The following DAB1 variants were observed in gnomAD, a reference collection of about 807,000 sequenced individuals.
DAB1 encodes the protein DAB adaptor protein 1.
A neutral mutation model predicts 64.6 loss-of-function variants in DAB1; 15 were observed. The observed-to-expected ratio is 0.23, with a 90% CI of 0.16 to 0.36. DAB1 has a LOEUF of 0.36. Ranked by LOEUF, DAB1 falls within the 10% of genes least tolerant of loss-of-function variation. DAB1 has a pLI of 1.00. For missense variants in DAB1, 596 were observed against 706.7 expected, an observed-to-expected ratio of 0.84 and a Z score of 1.78; for synonymous variants, 235 against 251.9, an observed-to-expected ratio of 0.93 and a Z score of 0.64.
At chr1:57,479,606 T>G (rs1643985632) in intron 7 of DAB1, among the ~76,000 whole-genome samples, 1 of 152,142 alleles carries the variant, frequency 6.6e-6, no homozygotes, top group African/African-American at 2.4e-5. Context: ...AGCTTGTCTC[T>G]CTATACTCCA....
chr1:57,240,767 A>G (rs1010632352), intron 2 of DAB1, among the ~76,000 whole-genome samples: 3 of 152,200 alleles, frequency 2.0e-5, no homozygotes, highest in Admixed American at 2.0e-4. Context: ...GGAAATTAAA[A>G]TTTTAGTCAT....
At chr1:57,348,037 C>T (rs960701318) in intron 1 of DAB1, among the ~76,000 whole-genome samples, 1 of 152,156 alleles carries the variant, frequency 6.6e-6, no homozygotes, top group African/African-American at 2.4e-5. Flanking sequence ...GAATAGTTGG[C>T]TCTTTGATCA....
chr1:57,559,378 C>A (rs1309076078), intron 7 of DAB1, among the ~76,000 whole-genome samples: 1 of 152,138 alleles, frequency 6.6e-6, no homozygotes, highest in Non-Finnish European at 1.5e-5. Flanking sequence ...GGCCGGGTCC[C>A]CTTGAGGAAG....
intron 3 of DAB1, among the ~76,000 whole-genome samples, chr1:58,410,378 T>C (rs1420755136): frequency 6.6e-6 from 1 of 152,206 alleles, no homozygotes; most frequent in Non-Finnish European, 1.5e-5. Context: ...CATCCTGATG[T>C]GGCCCTTTCT....
In DAB1 at chr1:58,373,307, T is replaced by A. The variant is rs993252275; in HGVS notation, n.258-29904A>T. Among the ~76,000 whole-genome samples, 5 of 132,470 alleles carry A rather than the reference T, an allele frequency of 3.8e-5. 1 individual carries two copies. Among genetic ancestry groups the A allele is most frequent in the Admixed American group, 1.7e-4 (2 of 11,688 alleles). The allele number at this position is 132,470 out of a possible 152,430, so 86.9% of individuals were successfully genotyped here. ...ATCTAGCATTAGGTATATCTCCCAA[T>A]GCTATCCCTCCCCACTCCCCCCTCC... On this transcript the variant is annotated intron_variant and non_coding_transcript_variant, in intron 3 of 20. Transcript: ENST00000485760.
At chr1:58,373,276 C>G (rs1052513423) in intron 3 of DAB1, among the ~76,000 whole-genome samples, 2 of 145,218 alleles carry the variant, frequency 1.4e-5, no homozygotes, top group African/African-American at 4.9e-5. Context: ...CACCCACTAA[C>G]TCGTCATCTA....
At chr1:57,666,176 C>T (rs1646445407) in intron 6 of DAB1, among the ~76,000 whole-genome samples, 1 of 151,922 alleles carries the variant, frequency 6.6e-6, no homozygotes, top group African/African-American at 2.4e-5. Context: ...TTATGAGGAG[C>T]ACATTCAGCT....
chr1:58,136,234 A>C (rs144750282), intron 5 of DAB1, among the ~76,000 whole-genome samples: 20 of 152,312 alleles, frequency 1.3e-4, no homozygotes, highest in African/African-American at 4.8e-4. Context: ...TGTGTGTAAG[A>C]ATACTGCTGG....
At chr1:57,775,654 A>G (rs1174603614) in intron 6 of DAB1, among the ~76,000 whole-genome samples, 1 of 151,696 alleles carries the variant, frequency 6.6e-6, no homozygotes, top group Admixed American at 6.6e-5. Flanking sequence ...TTCCATGAGC[A>G]CTTGAAAAGA....
chr1:57,348,881 T>C (rs1425329973), intron 1 of DAB1, among the ~76,000 whole-genome samples: 2 of 152,188 alleles, frequency 1.3e-5, no homozygotes, highest in Non-Finnish European at 2.9e-5. Flanking sequence ...AGAAGCCATA[T>C]GTGCCCTTGA....
Position 57,617,203 on chromosome 1 carries a change from G to C in DAB1, n.625+32389C>G, listed in dbSNP as rs116492191. On this transcript the variant is annotated intron_variant and non_coding_transcript_variant, in intron 7 of 20. Coordinates refer to the DAB1 transcript ENST00000485760. ...CAGCTGCTCCCTTCTTCCAAGAATA[G>C]CCCTCTGCTGAGGAGAGCCACCAGG... Among the ~76,000 whole-genome samples, 524 of 152,128 alleles carry C rather than the reference G, an allele frequency of 3.4e-3. 6 individuals carry two copies. The highest frequency in any genetic ancestry group is 0.012 in the African/African-American group (502 of 41,500).
At chr1:57,458,229 T>G (rs187552904) in intron 7 of DAB1, among the ~76,000 whole-genome samples, 1 of 152,282 alleles carries the variant, frequency 6.6e-6, no homozygotes, top group Non-Finnish European at 1.5e-5. Flanking sequence ...TCTGGTGGTG[T>G]TAAGTATTCT....
intron 4 of DAB1, among the ~76,000 whole-genome samples, chr1:57,076,619 C>T (rs1466351761): frequency 1.3e-5 from 2 of 152,200 alleles, no homozygotes; most frequent in Admixed American, 6.5e-5. Context: ...GAATTTTGTG[C>T]TTTCCCACTT....
intron 9 of DAB1, among the ~76,000 whole-genome samples, chr1:57,053,684 A>ATT (rs1649434151): frequency 1.1e-5 from 1 of 91,248 alleles, no homozygotes; most frequent in Non-Finnish European, 2.4e-5. Flanking sequence ...ATATATATAT[A>ATT]TATATTTTTT....
intron 5 of DAB1, among the ~76,000 whole-genome samples, chr1:58,082,729 G>A (rs1650072326): frequency 6.6e-6 from 1 of 152,100 alleles, no homozygotes; most frequent in Admixed American, 6.6e-5. Flanking sequence ...AATGACTGGA[G>A]ACAGAAAACA....
At chr1:58,539,200 G>A (rs1646564719) in intron 1 of DAB1, 3 of 872,750 alleles carry the variant, frequency 3.4e-6, no homozygotes, top group Admixed American at 3.4e-5. Context: ...TGAGGTGGAT[G>A]CTAATGTGTT....
At chr1:58,419,928 C>T (rs1644756392) in intron 3 of DAB1, among the ~76,000 whole-genome samples, 1 of 152,202 alleles carries the variant, frequency 6.6e-6, no homozygotes, top group South Asian at 2.1e-4. Context: ...CTCCTATTGG[C>T]CCTCCAGCCC....
intron 3 of DAB1, among the ~76,000 whole-genome samples, chr1:58,383,142 T>C (rs899686446): frequency 7.9e-5 from 11 of 140,018 alleles, no homozygotes; most frequent in African/African-American, 2.9e-4. Flanking sequence ...ATGGACCTTT[T>C]CTCAATAATC....
intron 12 of DAB1, among the ~76,000 whole-genome samples, chr1:57,012,406 T>C (rs1404351284): frequency 6.6e-6 from 1 of 152,214 alleles, no homozygotes; most frequent in Non-Finnish European, 1.5e-5. Context: ...ATGGAGAAAT[T>C]GCAGCTCAGG....
Sources: allele counts gnomAD v4.1 joint callset (sites outside exome capture counted in the v4.1 genomes callset), GRCh38; gene constraint gnomAD v4.1.1; transcripts MANE v1.5; gene names NCBI Gene and HGNC (gene_info 2026-07-23, HGNC 2026-07-21).